Variants in ARMH4 observed in about 807,000 individuals in gnomAD.
ARMH4 encodes armadillo like helical domain containing 4.
In ARMH4, 49 loss-of-function variants were observed where a neutral mutation model predicts 61.9. That is an observed-to-expected ratio of 0.79 (90% confidence interval 0.63 to 1.00). The LOEUF (loss-of-function observed/expected upper bound fraction) is 1.00, where lower values mean the gene tolerates loss of function less well. ARMH4 is among the 50% of genes least tolerant of loss of function. The pLI is 0.00. For missense variants in ARMH4, 934 were observed against 930.0 expected, an observed-to-expected ratio of 1.00 and a Z score of -0.06; for synonymous variants, 368 against 341.5, an observed-to-expected ratio of 1.08 and a Z score of -0.85.
intron 4 of ARMH4, among the ~76,000 whole-genome samples, chr14:58,118,819 T>C (rs1246913388): frequency 6.6e-6 from 1 of 152,156 alleles, no homozygotes; most frequent in African/African-American, 2.4e-5. Flanking sequence ...TTCTACTAAT[T>C]TCAGCTGAAA....
At chr14:58,081,324 G>A (rs1250082277) in intron 5 of ARMH4, among the ~76,000 whole-genome samples, 1 of 151,684 alleles carries the variant, frequency 6.6e-6, no homozygotes, top group Admixed American at 6.6e-5. Flanking sequence ...AGGATCCCCA[G>A]GGGGATCTGT....
chr14:58,121,643 T>C (rs1013082077), intron 4 of ARMH4, among the ~76,000 whole-genome samples: 19 of 152,018 alleles, frequency 1.2e-4, no homozygotes, highest in African/African-American at 4.1e-4. Context: ...ACCCACAGAG[T>C]ATGCAGGTAC....
intron 5 of ARMH4, among the ~76,000 whole-genome samples, chr14:58,055,469 T>C (rs774891711): frequency 6.6e-6 from 1 of 152,204 alleles, no homozygotes; most frequent in Non-Finnish European, 1.5e-5. Context: ...GATCTTACAG[T>C]CTTAAAAAGA....
chr14:58,120,302 C>T (rs1204497266), intron 4 of ARMH4, among the ~76,000 whole-genome samples: 1 of 151,954 alleles, frequency 6.6e-6, no homozygotes, highest in Non-Finnish European at 1.5e-5. Flanking sequence ...CATTATACAG[C>T]ACATTACTAT....
intron 4 of ARMH4, among the ~76,000 whole-genome samples, chr14:58,123,028 C>T (rs1487173636): frequency 2.6e-5 from 4 of 152,144 alleles, no homozygotes; most frequent in African/African-American, 7.2e-5. Flanking sequence ...TCTCCTGTCC[C>T]GGACAACTGT....
At chr14:58,060,475 T>G (rs1884493448) in intron 5 of ARMH4, among the ~76,000 whole-genome samples, 2 of 152,172 alleles carry the variant, frequency 1.3e-5, no homozygotes, top group Admixed American at 1.3e-4. Context: ...GAAAATAACT[T>G]TACATTTTAT....
At chr14:58,112,604 A>G (rs962437085) in intron 4 of ARMH4, among the ~76,000 whole-genome samples, 1 of 152,004 alleles carries the variant, frequency 6.6e-6, no homozygotes, top group African/African-American at 2.4e-5. Context: ...TTACCAATTT[A>G]TTTGTTCACT....
At chr14:58,096,281 G>A (rs1056757829) in intron 5 of ARMH4, among the ~76,000 whole-genome samples, 9 of 152,154 alleles carry the variant, frequency 5.9e-5, no homozygotes, top group African/African-American at 1.4e-4. Context: ...AGGACAGAGC[G>A]GAACAAAAAA....
At chr14:58,030,473 G>A (rs1413738253) in intron 5 of ARMH4, among the ~76,000 whole-genome samples, 5 of 152,154 alleles carry the variant, frequency 3.3e-5, no homozygotes, top group Admixed American at 6.5e-5. Flanking sequence ...TAATATACAC[G>A]TGACATAGAA....
Position 58,044,663 on chromosome 14 carries a change from T to C in ARMH4, c.2090-32513A>G, listed in dbSNP as rs552063665. The stretch of plus-strand genomic sequence containing the variant: ...TTCTGCAAAGCAAAAGAAACTACCA[T>C]CAGAGTGAACAGGCAACCTATAAAA... On this transcript the variant is annotated intron_variant, in intron 5 of 7. Coordinates refer to ENST00000267485, the MANE Select transcript of ARMH4 (RefSeq NM_001001872.4). Among the ~76,000 whole-genome samples, 7 of 152,162 alleles carry C rather than the reference T, an allele frequency of 4.6e-5. No individual in the cohort carries two copies. In the East Asian group the frequency reaches 1.4e-3, roughly 29 times the overall value.
At chr14:58,039,659 C>G (rs141946599) in intron 5 of ARMH4, among the ~76,000 whole-genome samples, 84 of 152,264 alleles carry the variant, frequency 5.5e-4, no homozygotes, top group Non-Finnish European at 9.4e-4. Context: ...CTGAGACACA[C>G]AGCCAGCACA....
At chr14:58,067,308 G>A (rs1884735476) in intron 5 of ARMH4, among the ~76,000 whole-genome samples, 1 of 152,146 alleles carries the variant, frequency 6.6e-6, no homozygotes, top group East Asian at 1.9e-4. Context: ...TAGAACCAAG[G>A]AGACACATGT....
chr14:58,041,351 C>G (rs9323325), intron 5 of ARMH4, among the ~76,000 whole-genome samples: 1 of 151,910 alleles, frequency 6.6e-6, no homozygotes, highest in Non-Finnish European at 1.5e-5. Flanking sequence ...ACTAAGCTTC[C>G]TAAGTGAAGG....
intron 5 of ARMH4, among the ~76,000 whole-genome samples, chr14:58,016,500 T>C (rs1255123399): frequency 1.3e-5 from 2 of 152,182 alleles, no homozygotes; most frequent in African/African-American, 4.8e-5. Context: ...CGATGATTTG[T>C]CTTTTATTCT....
chr14:58,073,773 C>T (rs571412885), intron 5 of ARMH4, among the ~76,000 whole-genome samples: 1 of 152,296 alleles, frequency 6.6e-6, no homozygotes, highest in Non-Finnish European at 1.5e-5. Context: ...AAGCCCTAGA[C>T]CTGGCCTTTC....
chr14:58,089,314 C>T (rs1885483601), intron 5 of ARMH4, among the ~76,000 whole-genome samples: 1 of 152,200 alleles, frequency 6.6e-6, no homozygotes, highest in Non-Finnish European at 1.5e-5. Flanking sequence ...TTCCTTGCTG[C>T]CACAATCTGT....
chr14:58,061,575 G>C (rs1297393208), intron 5 of ARMH4, among the ~76,000 whole-genome samples: 2 of 152,236 alleles, frequency 1.3e-5, no homozygotes, highest in Admixed American at 1.3e-4. Context: ...ATTTCTGAGA[G>C]TTACAGGAGA....
chr14:58,045,172 T>C lies in ARMH4; in HGVS notation c.2090-33022A>G, dbSNP rs1265900129. On this transcript the variant is annotated intron_variant, in intron 5 of 7. Transcript: ENST00000267485. ...AAAGACACATGCACATGTATGTTGA[T>C]TGTGGCACTACTCACAATAGCAAAG... is the stretch of plus-strand genomic sequence containing the variant. 4.6e-5 allele frequency among the ~76,000 whole-genome samples: 7 copies of C among 152,352 alleles called. No homozygotes were observed. The East Asian group carries it at 1.3e-3, about 29-fold the overall frequency.
At chr14:58,090,014 C>T (rs1282951413) in intron 5 of ARMH4, among the ~76,000 whole-genome samples, 19 of 152,188 alleles carry the variant, frequency 1.2e-4, no homozygotes, top group Admixed American at 1.1e-3. Context: ...TACATGAGTG[C>T]TCCCCTCCAT....
Sources: gnomAD v4.1 joint callset for allele counts (sites outside exome capture counted in the v4.1 genomes callset) on GRCh38, gnomAD v4.1.1 for gene constraint, MANE v1.5 for transcripts, NCBI Gene and HGNC (gene_info 2026-07-23, HGNC 2026-07-21) for gene names.